The following PPP6R3 variants were observed in gnomAD, a reference collection of about 807,000 sequenced individuals.
The protein encoded by PPP6R3 is protein phosphatase 6 regulatory subunit 3.
Under a neutral mutation model 110.7 loss-of-function variants are expected in PPP6R3, and 38 were observed. The ratio of observed to expected loss-of-function variants is 0.34; its 90% CI spans 0.26 to 0.45. The LOEUF (loss-of-function observed/expected upper bound fraction) is 0.45. Ranked by LOEUF, PPP6R3 falls within the 20% of genes least tolerant of loss-of-function variation. The pLI, the probability that PPP6R3 is intolerant of heterozygous loss-of-function variation, is 1.00. For synonymous variants in PPP6R3, 369 were observed against 373.5 expected (o/e 0.99, Z 0.14); for missense variants, 870 against 1,062.4 (o/e 0.82, Z 2.52).
intron 3 of PPP6R3, among the ~76,000 whole-genome samples, chr11:68,543,421 T>G (rs756510004): frequency 1.3e-5 from 2 of 152,128 alleles, no homozygotes; most frequent in Non-Finnish European, 2.9e-5. Flanking sequence ...TTTTTTCCTT[T>G]TCTGTTTTCT....
At chr11:68,598,834 C>CT (rs1566120744) in intron 19 of PPP6R3, among the ~76,000 whole-genome samples, 1 of 152,250 alleles carries the variant, frequency 6.6e-6, no homozygotes, top group Non-Finnish European at 1.5e-5. Context: ...GTCAAGTTGA[C>CT]TTTTTGGAGG....
At chr11:68,546,725 G>T (rs954114812) in intron 4 of PPP6R3, among the ~76,000 whole-genome samples, 1 of 152,196 alleles carries the variant, frequency 6.6e-6, no homozygotes, top group Non-Finnish European at 1.5e-5. Flanking sequence ...GTCGGATGGT[G>T]GGGCATCTTC....
At chr11:68,519,908 T>A (rs532375) in intron 2 of PPP6R3, among the ~76,000 whole-genome samples, 151,253 of 152,294 alleles carry the variant, frequency 0.99, 75,107 homozygotes, top group East Asian at 1. Context: ...GGGGCGCCAA[T>A]GACCAGCCAG....
At chr11:68,500,584 TCTC>T (rs1012568546) in intron 1 of PPP6R3, among the ~76,000 whole-genome samples, 16 of 152,300 alleles carry the variant, frequency 1.1e-4, no homozygotes, top group African/African-American at 3.4e-4. Context: ...TTCAAGCAAT[TCTC>T]CTACCTCACC....
At chr11:68,499,191 A>G (rs1285380196) in intron 1 of PPP6R3, among the ~76,000 whole-genome samples, 2 of 152,130 alleles carry the variant, frequency 1.3e-5, no homozygotes, top group Non-Finnish European at 1.5e-5. Context: ...GGATTAAAAC[A>G]GCAATAAACA....
At chr11:68,507,816 T>A (rs1223780384) in intron 1 of PPP6R3, among the ~76,000 whole-genome samples, 2 of 152,224 alleles carry the variant, frequency 1.3e-5, no homozygotes, top group African/African-American at 4.8e-5. Flanking sequence ...GTGTATGATA[T>A]GTGCTCTCAG....
At chr11:68,545,738 C>G (rs2099346757) in intron 4 of PPP6R3, among the ~76,000 whole-genome samples, 1 of 152,226 alleles carries the variant, frequency 6.6e-6, no homozygotes, top group South Asian at 2.1e-4. Flanking sequence ...TTTAGCAAGC[C>G]TTCCAGCTAA....
At chr11:68,601,364 C>G (rs1239881293) in intron 20 of PPP6R3, among the ~76,000 whole-genome samples, 1 of 152,192 alleles carries the variant, frequency 6.6e-6, no homozygotes, top group Admixed American at 6.5e-5. Flanking sequence ...CTCCCTCACC[C>G]CTACCCCTTA....
intron 1 of PPP6R3, among the ~76,000 whole-genome samples, chr11:68,484,364 C>A (rs2098933174): frequency 6.6e-6 from 1 of 152,084 alleles, no homozygotes; most frequent in African/African-American, 2.4e-5. Flanking sequence ...ACATTGTTGA[C>A]AGTGTTTGGT....
At chr11:68,462,029 C>CT (rs1190584241) in intron 1 of PPP6R3, among the ~76,000 whole-genome samples, 15 of 151,538 alleles carry the variant, frequency 9.9e-5, no homozygotes, top group East Asian at 3.9e-4. Context: ...CCCAGCTTCT[C>CT]TTTTTTTTTC....
Position 68,559,945 on chromosome 11 carries a change from C to T in PPP6R3, c.845+1266C>T, listed in dbSNP as rs933993247. Among the ~76,000 whole-genome samples the T allele has an allele frequency of 2.5e-4, 36 of 141,260 alleles. 1 individual carries two copies. The highest frequency in any genetic ancestry group is 9.2e-4 in the African/African-American group (35 of 37,914). 92.7% of individuals were successfully genotyped at this position (141,260 alleles called of 152,430 possible). On this transcript the variant is annotated intron_variant, in intron 8 of 23. Transcript: ENST00000393800. Reference sequence around the variant, plus strand: ...GTGCCCTCTTCTCACCCCAGCGGTACGGTGCCCTCTTCCCACCCCAGCGGT... The same window carrying T: ...GTGCCCTCTTCTCACCCCAGCGGTATGGTGCCCTCTTCCCACCCCAGCGGT...
chr11:68,541,898 C>T (rs117892994), intron 3 of PPP6R3, among the ~76,000 whole-genome samples: 1,545 of 152,056 alleles, frequency 0.01, 10 homozygotes, highest in African/African-American at 0.012. Context: ...GATCATGGGC[C>T]CCATCAGTAC....
At chr11:68,494,218 A>G (rs995875902) in intron 1 of PPP6R3, among the ~76,000 whole-genome samples, 1 of 151,410 alleles carries the variant, frequency 6.6e-6, no homozygotes, top group African/African-American at 2.4e-5. Flanking sequence ...ATTATTATAC[A>G]TTACATGCCT....
At chr11:68,462,991 G>C (rs183209525) in intron 1 of PPP6R3, among the ~76,000 whole-genome samples, 1 of 152,278 alleles carries the variant, frequency 6.6e-6, no homozygotes, top group African/African-American at 2.4e-5. Context: ...TAGTTTCAAT[G>C]AACTAATTGA....
At chr11:68,608,435 C>CG (rs1476703835) in intron 22 of PPP6R3, among the ~76,000 whole-genome samples, 1 of 152,174 alleles carries the variant, frequency 6.6e-6, no homozygotes, top group African/African-American at 2.4e-5. Flanking sequence ...CTGCAGCCTG[C>CG]GGGGCCCTGG....
chr11:68,511,978 T>C (rs1832020171), intron 1 of PPP6R3, among the ~76,000 whole-genome samples: 1 of 152,194 alleles, frequency 6.6e-6, no homozygotes, highest in Non-Finnish European at 1.5e-5. Flanking sequence ...GGATCTCCTA[T>C]TCCTGTGTTC....
chr11:68,594,867 A>G (rs931960092), intron 18 of PPP6R3, among the ~76,000 whole-genome samples: 2 of 152,242 alleles, frequency 1.3e-5, no homozygotes, highest in Non-Finnish European at 2.9e-5. Context: ...GCAAGAAGGT[A>G]GGGCATAGAT....
chr11:68,506,623 G>A (rs2099079483), intron 1 of PPP6R3, among the ~76,000 whole-genome samples: 2 of 151,914 alleles, frequency 1.3e-5, no homozygotes, highest in African/African-American at 2.4e-5. Context: ...AATGCACAGT[G>A]GGATGAGTAT....
chr11:68,477,741 A>AAAAAAAAAAAATATATATAT, intron 1 of PPP6R3, among the ~76,000 whole-genome samples: 10 of 57,904 alleles, frequency 1.7e-4, no homozygotes, highest in African/African-American at 7.1e-4. Flanking sequence ...AAAAAAAAAA[A>AAAAAAAAAAAATATATATAT]ATATATATAT....
Sources: allele counts gnomAD v4.1 joint callset (sites outside exome capture counted in the v4.1 genomes callset), GRCh38; gene constraint gnomAD v4.1.1; transcripts MANE v1.5; gene names NCBI Gene and HGNC (gene_info 2026-07-23, HGNC 2026-07-21).